Variants in SEC16B observed in about 807,000 individuals in gnomAD.
SEC16B encodes protein transport protein Sec16B.
A neutral mutation model predicts 141.8 loss-of-function variants in SEC16B; 115 were observed. The ratio of observed to expected loss-of-function variants is 0.81; its 90% CI spans 0.70 to 0.95. SEC16B has a LOEUF of 0.95. Among genes scored for constraint, SEC16B ranks in the 40% least tolerant of loss-of-function variants. The probability of loss-of-function intolerance (pLI) is 0.00; values close to 1 mark genes in which losing one functional copy is unlikely to be tolerated. For synonymous variants in SEC16B, 493 were observed against 492.5 expected (o/e 1.00, Z -0.01); for missense variants, 1,291 against 1,312.3 (o/e 0.98, Z 0.25).
In SEC16B at chr1:177,965,058, C is replaced by G. The variant is rs564535526; in HGVS notation, c.522G>C (p.Glu174Asp). 83 of 1,613,406 alleles carry G rather than the reference C, an allele frequency of 5.1e-5. 2 individuals carry two copies. The South Asian group carries it at 9.1e-4, about 18-fold the overall frequency. The change falls in exon 4 of 26, where the codon GAG becomes GAC. Residue 174 changes from glutamate (E) to aspartate (D), a missense_variant. Physicochemically the swap from Glu to Asp is conservative, Grantham distance 45. This residue lies in a region of SEC16B where 681 missense variants were observed against 675.5 expected (regional missense o/e 1.01). Transcript: ENST00000308284. The part of the protein sequence containing the change: ...NQHSPFGTNS[E>D]THFQSNSRNP... ...CCTTTCACACTTACTGGAAGTGGGT[C>G]TCACTATTTGTTCCAAATGGACTGT...
At position 177,936,171 on chromosome 1, in the gene SEC16B, A is replaced by C. The variant is rs1400068956; in HGVS notation, c.2571+127T>G. ...AGTTGGAATAGGAAAAGGCAAGGCG[A>C]GATGTGGAAGAGAAAGCTGCTGCAA... is the stretch of plus-strand genomic sequence containing the variant. On this transcript the variant is annotated intron_variant, in intron 20 of 25. Coordinates refer to ENST00000308284, the MANE Select transcript of SEC16B (RefSeq NM_033127.4). 8 of 729,308 alleles carry C rather than the reference A, an allele frequency of 1.1e-5. No individual in the cohort carries two copies. The East Asian group carries it at 1.6e-4, about 15-fold the overall frequency. 45.2% of individuals were successfully genotyped at this position (729,308 alleles called of 1,614,324 possible).
At chr1:177,948,706 A>G (rs1651931268) in intron 12 of SEC16B, 1 of 1,225,580 alleles carries the variant, frequency 8.2e-7, no homozygotes, top group Admixed American at 3.0e-5. Flanking sequence ...CATGGAAACA[A>G]CACAGGCCCC....
chr1:177,978,973 C>G (rs1211395715), intron 1 of SEC16B, among the ~76,000 whole-genome samples: 3 of 152,060 alleles, frequency 2.0e-5, no homozygotes, highest in African/African-American at 7.2e-5. Context: ...TCATTATTTT[C>G]ATTACCCAGT....
intron 4 of SEC16B, 148 bp from the exon 5 acceptor site, chr1:177,964,427 C>T: frequency 1.8e-6 from 1 of 568,478 alleles, no homozygotes; most frequent in East Asian, 3.0e-5. Flanking sequence ...TCCTCCTACT[C>T]ACCACCTCAA....
chr1:177,948,212 A>G (rs1018148376), intron 12 of SEC16B, among the ~76,000 whole-genome samples: 2 of 152,222 alleles, frequency 1.3e-5, no homozygotes, highest in African/African-American at 4.8e-5. Context: ...GACATTGCTC[A>G]CTTACTATTT....
rs1248304967 is a variant in SEC16B, at chr1:177,967,885, G to T, written c.97C>A (p.His33Asn). ...PDRGFRRDGH[H>N]RPVPHSWHNG... ...TGCCAAGAGTGAGGGACAGGCCGATGATGTCCATCTCTCCGAAACCCTCGG... is the reference window on the plus strand; with the variant it reads ...TGCCAAGAGTGAGGGACAGGCCGATTATGTCCATCTCTCCGAAACCCTCGG... The change falls in exon 2 of 26, where the codon CAT (histidine) becomes AAT (asparagine). Residue 33 changes from histidine (H) to asparagine (N), a missense_variant. Physicochemically the swap from His to Asn is moderately conservative, Grantham distance 68. Coordinates refer to ENST00000308284, the MANE Select transcript of SEC16B (RefSeq NM_033127.4). The T allele has an allele frequency of 1.9e-6, 3 of 1,614,010 alleles. No individual in the cohort carries two copies. The highest frequency in any genetic ancestry group is 1.7e-6 in the Non-Finnish European group (2 of 1,179,888).
At chr1:177,949,266 C>T (rs1164359251) in intron 12 of SEC16B, among the ~76,000 whole-genome samples, 1 of 152,074 alleles carries the variant, frequency 6.6e-6, no homozygotes, top group Non-Finnish European at 1.5e-5. Flanking sequence ...CTAAGCATTT[C>T]TCCTACCAAT....
upstream of SEC16B, among the ~76,000 whole-genome samples, chr1:177,970,551 G>A (rs1653892216): frequency 6.6e-6 from 1 of 152,128 alleles, no homozygotes; most frequent in Admixed American, 6.5e-5. Context: ...TCACTGGTGG[G>A]AGCAAACACC....
rs532987511 is a variant in SEC16B at position 177,949,584 on chromosome 1, C to T, written c.1546-1642G>A. The stretch of plus-strand genomic sequence containing the variant: ...TATTAATTAACGAAAATGGGCCAAG[C>T]ATGATGGTTGATATGTTCAGATGTT... On this transcript the variant is annotated intron_variant, in intron 12 of 25. Transcript: ENST00000308284. 7.5e-4 allele frequency among the ~76,000 whole-genome samples: 114 copies of T among 152,140 alleles called. 1 individual carries two copies. The highest frequency in any genetic ancestry group is 1.5e-4 in the Non-Finnish European group (10 of 67,994).
chr1:177,940,272 C>G (rs1412496497), intron 17 of SEC16B, among the ~76,000 whole-genome samples: 1 of 152,218 alleles, frequency 6.6e-6, no homozygotes, highest in Non-Finnish European at 1.5e-5. Context: ...CCACTGTGAT[C>G]CATTGTTCCT....
At chr1:177,977,325 G>A (rs1270734731) in intron 1 of SEC16B, among the ~76,000 whole-genome samples, 3 of 152,192 alleles carry the variant, frequency 2.0e-5, no homozygotes, top group South Asian at 4.1e-4. Context: ...CATCCCTGCA[G>A]GCGAAGCAGT....
At chr1:177,930,139 T>C (rs1176716595) in intron 25 of SEC16B, among the ~76,000 whole-genome samples, 1 of 152,174 alleles carries the variant, frequency 6.6e-6, no homozygotes, top group Non-Finnish European at 1.5e-5. Flanking sequence ...AAATGAGACA[T>C]TAGCAGAGCT....
chr1:177,949,804 T>A (rs1023541922), intron 12 of SEC16B, among the ~76,000 whole-genome samples: 1 of 152,142 alleles, frequency 6.6e-6, no homozygotes, highest in Non-Finnish European at 1.5e-5. Flanking sequence ...ACCCCATTCA[T>A]CACATGGAAC....
intron 15 of SEC16B, among the ~76,000 whole-genome samples, chr1:177,942,249 A>G (rs1278821325): frequency 6.6e-6 from 1 of 152,252 alleles, no homozygotes. Context: ...AGAGAAAAGA[A>G]CAGGAGTCCC....
At position 177,961,643 on chromosome 1, in the gene SEC16B, G is replaced by A. The variant is rs188839571; in HGVS notation, c.734C>T (p.Ala245Val). 6.2e-7 allele frequency: 1 copy of A among 1,613,934 alleles called. No individual in the cohort carries two copies. The highest frequency in any genetic ancestry group is 2.2e-5 in the East Asian group (1 of 44,870). ...SYELSQYIRD[A>V]PERDDPPASA... ...AGCTGGGGGATCATCCCGCTCCGGG[G>A]CATCTCTGATGTACTGACTGAGCTC... The change falls in exon 6 of 26, where the codon GCC becomes GTC. Residue 245 changes from alanine (A) to valine (V), a missense_variant. Physicochemically the swap from Ala to Val is moderately conservative, Grantham distance 64 (BLOSUM62 0). Transcript: ENST00000308284.
intron 10 of SEC16B, 60 bp downstream of exon 10, chr1:177,958,072 G>T: frequency 1.7e-6 from 2 of 1,177,098 alleles, no homozygotes; most frequent in Non-Finnish European, 2.3e-6. Flanking sequence ...GCAGCGGTGA[G>T]TGGTGGAGAG....
chr1:177,936,787 G>A (rs1650874831), intron 19 of SEC16B, among the ~76,000 whole-genome samples: 1 of 152,178 alleles, frequency 6.6e-6, no homozygotes, highest in Admixed American at 6.5e-5. Context: ...GTTGTCGAAG[G>A]TCTGATGGGC....
chr1:177,977,639 C>T (rs1298557534), intron 1 of SEC16B, among the ~76,000 whole-genome samples: 1 of 152,154 alleles, frequency 6.6e-6, no homozygotes, highest in African/African-American at 2.4e-5. Context: ...TTGCAGCTGT[C>T]TGAATAGGGT....
At chr1:177,941,658 A>AAC (rs1651282781) in intron 16 of SEC16B, among the ~76,000 whole-genome samples, 2 of 152,196 alleles carry the variant, frequency 1.3e-5, no homozygotes, top group South Asian at 4.1e-4. Context: ...TTTCTTGAGT[A>AAC]ACACACACAT....
Sources: allele counts gnomAD v4.1 joint callset (sites outside exome capture counted in the v4.1 genomes callset), GRCh38; gene constraint gnomAD v4.1.1; regional missense constraint gnomAD v4.1.1; transcripts MANE v1.5; gene names NCBI Gene and HGNC (gene_info 2026-07-23, HGNC 2026-07-21).